MDFIC2: variants seen among roughly 807,000 people sequenced by gnomAD.
The protein encoded by MDFIC2 is MyoD family inhibitor domain containing 2.
intron 2 of MDFIC2, among the ~76,000 whole-genome samples, chr3:70,267,232 C>T (rs893461987): frequency 6.6e-6 from 1 of 151,890 alleles, no homozygotes; most frequent in Non-Finnish European, 1.5e-5. Context: ...CTCATTTTTA[C>T]GAAGGGCAGA....
chr3:70,221,821 C>G (rs968064655), intron 2 of MDFIC2, among the ~76,000 whole-genome samples: 7 of 151,880 alleles, frequency 4.6e-5, no homozygotes, highest in African/African-American at 1.7e-4. Flanking sequence ...CAGGACATTG[C>G]TAAATTTTTT....
At chr3:70,207,889 T>C (rs544669711) in intron 2 of MDFIC2, among the ~76,000 whole-genome samples, 6 of 152,136 alleles carry the variant, frequency 3.9e-5, no homozygotes, top group Admixed American at 1.3e-4. Flanking sequence ...ACTGTATGCA[T>C]TCTCCTGCCA....
chr3:70,220,440 A>T (rs1406200858), intron 2 of MDFIC2, among the ~76,000 whole-genome samples: 2 of 145,678 alleles, frequency 1.4e-5, no homozygotes, highest in East Asian at 2.7e-4. Flanking sequence ...CTTACCTCTT[A>T]AAAAAAAAAA....
chr3:70,230,839 A>T (rs1701552564), intron 2 of MDFIC2, among the ~76,000 whole-genome samples: 1 of 152,114 alleles, frequency 6.6e-6, no homozygotes, highest in Non-Finnish European at 1.5e-5. Flanking sequence ...CCCATGCCAC[A>T]CCTGCTGTGT....
At position 70,195,591 on chromosome 3, in the gene MDFIC2, C is replaced by G. The variant is rs1032613827; in HGVS notation, c.*1335G>C. Among the ~76,000 whole-genome samples, 2 of 152,120 alleles carry G rather than the reference C, an allele frequency of 1.3e-5. No individual in the cohort carries two copies. The highest frequency in any genetic ancestry group is 2.9e-5 in the Non-Finnish European group (2 of 68,006). ...TCAGGAAAAAACAGGTATTTTGGAG[C>G]TTTCTTTTGTTGTTGCTGTTTCCCT... On this transcript the variant is annotated 3_prime_UTR_variant, in exon 4 of 4. Coordinates refer to ENST00000567252, the MANE Select transcript of MDFIC2 (RefSeq NM_001364677.1).
intron 3 of MDFIC2, among the ~76,000 whole-genome samples, chr3:70,203,650 C>T (rs532323751): frequency 2.4e-4 from 37 of 152,180 alleles, no homozygotes; most frequent in Non-Finnish European, 4.9e-4. Context: ...ATGAAATTTA[C>T]AGTGTAGAAA....
chr3:70,281,761 C>A (rs183939911), intron 2 of MDFIC2, among the ~76,000 whole-genome samples: 29 of 152,162 alleles, frequency 1.9e-4, no homozygotes, highest in African/African-American at 7.0e-4. Context: ...CCATCCTCTG[C>A]AAAGCTTTCT....
At chr3:70,283,876 T>C (rs1047461156) in intron 2 of MDFIC2, 6 of 152,016 alleles carry the variant, frequency 3.9e-5, no homozygotes, top group Non-Finnish European at 8.8e-5. Flanking sequence ...TTTAAGAGAA[T>C]GTGTAAAATG....
At chr3:70,247,199 C>T (rs1239305232) in intron 2 of MDFIC2, among the ~76,000 whole-genome samples, 1 of 151,870 alleles carries the variant, frequency 6.6e-6, no homozygotes, top group African/African-American at 2.4e-5. Context: ...CCTGTGTTTT[C>T]AGACATAATG....
chr3:70,270,242 T>C (rs971460543), intron 2 of MDFIC2, among the ~76,000 whole-genome samples: 1 of 152,334 alleles, frequency 6.6e-6, no homozygotes, highest in East Asian at 1.9e-4. Flanking sequence ...ACAAATGAGT[T>C]CTTTCAAGTT....
intron 2 of MDFIC2, chr3:70,272,086 A>G (rs1701981144): frequency 6.6e-6 from 1 of 152,214 alleles, no homozygotes. Context: ...TTTTAAGGAA[A>G]TAACAACAAT....
At chr3:70,239,315 C>T (rs745350701) in intron 2 of MDFIC2, among the ~76,000 whole-genome samples, 1 of 152,104 alleles carries the variant, frequency 6.6e-6, no homozygotes, top group Non-Finnish European at 1.5e-5. Flanking sequence ...GCCCAAGGTC[C>T]AAGTCTTACC....
At chr3:70,284,919 T>C (rs1702127150) in intron 2 of MDFIC2, among the ~76,000 whole-genome samples, 1 of 151,920 alleles carries the variant, frequency 6.6e-6, no homozygotes, top group African/African-American at 2.4e-5. Context: ...CAAAAAAGAG[T>C]AAATGGCATT....
rs144120449 is a variant in MDFIC2, at chr3:70,226,988, G to C, written c.89-20198C>G. Among the ~76,000 whole-genome samples, 51 of 152,208 alleles carry C rather than the reference G, an allele frequency of 3.4e-4. No individual in the cohort carries two copies. The East Asian group carries it at 3.9e-3, about 12-fold the overall frequency. On this transcript the variant is annotated intron_variant, in intron 2 of 3. Coordinates refer to ENST00000567252, the MANE Select transcript of MDFIC2 (RefSeq NM_001364677.1). ...GAGAGGCACTGGAGCAGTGGCTCTT[G>C]ATTGACAGGGGATGGACCTCGAAAA...
rs888351737 is a variant in MDFIC2, at chr3:70,206,804, G to GA, written c.89-15dup. 66 of 397,148 alleles carry GA rather than the reference G, an allele frequency of 1.7e-4. No homozygotes were observed. Among genetic ancestry groups the GA allele is most frequent in the Non-Finnish European group, 8.9e-5 (20 of 225,206 alleles). The allele number at this position is 397,148 out of a possible 1,614,324, so 24.6% of individuals were successfully genotyped here. A position where few individuals can be genotyped will look rare whatever the true frequency, so the allele number is the denominator to read the frequency against. On this transcript the variant is annotated splice_polypyrimidine_tract_variant and intron_variant, in intron 2 of 3. Coordinates refer to ENST00000567252, the MANE Select transcript of MDFIC2 (RefSeq NM_001364677.1). ...TGAGTTGCGTATCTAGAGGAAAAAA[G>GA]AAAAAACACATACAGAAACCCACTA...
chr3:70,258,046 T>C (rs1228125872), intron 2 of MDFIC2, among the ~76,000 whole-genome samples: 1 of 152,182 alleles, frequency 6.6e-6, no homozygotes, highest in Non-Finnish European at 1.5e-5. Context: ...AGTCTTTTCA[T>C]TAGATGGTGC....
chr3:70,230,001 A>G (rs1216481121), intron 2 of MDFIC2, among the ~76,000 whole-genome samples: 3 of 152,176 alleles, frequency 2.0e-5, no homozygotes, highest in African/African-American at 7.2e-5. Flanking sequence ...AGTATAATAT[A>G]TTATTATCTA....
At chr3:70,217,185 C>T (rs1182653556) in intron 2 of MDFIC2, among the ~76,000 whole-genome samples, 9 of 152,100 alleles carry the variant, frequency 5.9e-5, no homozygotes, top group East Asian at 1.9e-4. Flanking sequence ...CCTGGGAGAC[C>T]GTAGGTACTC....
chr3:70,194,739 A>G lies in MDFIC2; in HGVS notation c.*2187T>C, dbSNP rs1701159481. 6.6e-6 allele frequency among the ~76,000 whole-genome samples: 1 copy of G among 152,222 alleles called. No individual in the cohort carries two copies. The highest frequency in any genetic ancestry group is 2.1e-4 in the South Asian group (1 of 4,838). ...CACAATCTTTGCATAATTTGAGGGT[A>G]TGTAGAGTAGAAAGAATAAGGGAAT... On this transcript the variant is annotated 3_prime_UTR_variant, in exon 4 of 4. Transcript: ENST00000567252.
Sources: allele counts gnomAD v4.1 joint callset (sites outside exome capture counted in the v4.1 genomes callset), GRCh38; gene constraint gnomAD v4.1.1; transcripts MANE v1.5; gene names NCBI Gene and HGNC (gene_info 2026-07-23, HGNC 2026-07-21).